SPATA33: variants seen among roughly 807,000 people sequenced by gnomAD.
SPATA33 encodes spermatogenesis-associated protein 33.
Under a neutral mutation model 8.9 loss-of-function variants are expected in SPATA33, and 10 were observed. The observed-to-expected ratio is 1.12, with a 90% CI of 0.69 to 1.90. The LOEUF is 1.90. Ranked by LOEUF, SPATA33 falls within the 40% of genes most tolerant of loss-of-function variation. The pLI is 0.00. For missense variants in SPATA33, 241 were observed against 178.3 expected, an observed-to-expected ratio of 1.35 and a Z score of -2.00; for synonymous variants, 96 against 72.8, an observed-to-expected ratio of 1.32 and a Z score of -1.63.
intron 2 of SPATA33, 63 bp from the exon 3 acceptor site, chr16:89,669,223 T>G (rs1597809370): frequency 6.9e-7 from 1 of 1,442,660 alleles, no homozygotes. Flanking sequence ...TGGCAGGAGG[T>G]GTGTGCATCG....
At chr16:89,660,471 A>G (rs1458853708) in intron 2 of SPATA33, 7 of 1,231,842 alleles carry the variant, frequency 5.7e-6, no homozygotes, top group Non-Finnish European at 7.1e-6. Flanking sequence ...ACATGAAGGG[A>G]AAACAGCAGA....
Position 89,657,892 on chromosome 16 carries a change from A to G in SPATA33, c.-20A>G. 1 of 1,515,682 alleles carries G rather than the reference A, an allele frequency of 6.6e-7. No individual in the cohort carries two copies. The highest frequency in any genetic ancestry group is 8.8e-7 in the Non-Finnish European group (1 of 1,139,064). The allele number at this position is 1,515,682 out of a possible 1,614,324, so 93.9% of individuals were successfully genotyped here. A position where few individuals can be genotyped will look rare whatever the true frequency, so the allele number is the denominator to read the frequency against. On this transcript the variant is annotated 5_prime_UTR_variant, in exon 1 of 3. Coordinates refer to ENST00000579310, the MANE Select transcript of SPATA33 (RefSeq NM_001271907.2). ...GTGTGGGGACCCGGGCTTGCGTCGG[A>G]GGGGGCGGTGGGCTCACCCATGGGC...
chr16:89,668,923 G>GAC (rs1327914451), intron 2 of SPATA33, among the ~76,000 whole-genome samples: 1 of 152,224 alleles, frequency 6.6e-6, no homozygotes, highest in Admixed American at 6.5e-5. Flanking sequence ...CAGAATTAGA[G>GAC]ACCTTTGGAG....
rs144921739 is a variant in SPATA33, at chr16:89,667,591, A to C, written c.212-1695A>C. Among the ~76,000 whole-genome samples the C allele has an allele frequency of 1.2e-4, 19 of 152,254 alleles. No homozygotes were observed. The East Asian group carries it at 3.7e-3, about 29-fold the overall frequency. On this transcript the variant is annotated intron_variant, in intron 2 of 2. Transcript: ENST00000579310. ...AGTGGGAGGATCATTTGAGCCCAGG[A>C]AGTTGAGGCTTCAGTGAGCCATGAT...
chr16:89,668,593 G>A (rs560813165), intron 2 of SPATA33, among the ~76,000 whole-genome samples: 35 of 151,174 alleles, frequency 2.3e-4, no homozygotes, highest in Non-Finnish European at 4.0e-4. Context: ...GGCTGTGCCC[G>A]AGCTCGTAGC....
chr16:89,658,098 G>A, intron 1 of SPATA33, 150 bp downstream of exon 1: 1 of 1,486,770 alleles, frequency 6.7e-7, no homozygotes, highest in Non-Finnish European at 8.9e-7. Context: ...CACGGACGGC[G>A]CGTTTCCCGC....
chr16:89,667,209 A>G (rs2060038181), intron 2 of SPATA33, among the ~76,000 whole-genome samples: 1 of 152,230 alleles, frequency 6.6e-6, no homozygotes, highest in Admixed American at 6.5e-5. Context: ...CGTTACCACT[A>G]GACCAAGGAG....
chr16:89,662,468 G>A (rs1362943837), intron 2 of SPATA33, among the ~76,000 whole-genome samples: 1 of 151,492 alleles, frequency 6.6e-6, no homozygotes, highest in Non-Finnish European at 1.5e-5. Context: ...CCAGGCTGGA[G>A]TGCAATGGCA....
intron 2 of SPATA33, 54 bp downstream of exon 2, chr16:89,658,475 G>T (rs2059916179): frequency 6.5e-7 from 1 of 1,548,394 alleles, no homozygotes. Flanking sequence ...AGGATCTGGG[G>T]CTGGGGTGAG....
Position 89,669,796 on chromosome 16 carries a change from G to A in SPATA33, c.*299G>A. On this transcript the variant is annotated 3_prime_UTR_variant, in exon 3 of 3. Transcript: ENST00000579310. ...CCCTTCTCCAGTGCTCTCGGGGAGG[G>A]TGCACCAGGCCCACCCCACCCTGTG... 5.3e-6 allele frequency: 2 copies of A among 379,036 alleles called. No individual in the cohort carries two copies. The highest frequency in any genetic ancestry group is 5.5e-5 in the South Asian group (2 of 36,642). 23.5% of individuals were successfully genotyped at this position (379,036 alleles called of 1,614,324 possible).
At chr16:89,669,010 G>T (rs1026332277) in intron 2 of SPATA33, among the ~76,000 whole-genome samples, 1 of 152,116 alleles carries the variant, frequency 6.6e-6, no homozygotes, top group Non-Finnish European at 1.5e-5. Flanking sequence ...TCCTTTGCTG[G>T]TCGCCCTGAC....
rs903693132 is a variant in SPATA33 at position 89,658,175 on chromosome 16, G to A, written c.38-73G>A. 3.8e-6 allele frequency: 6 copies of A among 1,592,758 alleles called. No homozygotes were observed. The East Asian group carries it at 1.1e-4, about 30-fold the overall frequency. ...CAGCTTATTCTGGACCCACGCAGGC[G>A]ACTGAAGACGATGGGACCCACTGCC... On this transcript the variant is annotated intron_variant, in intron 1 of 2. Transcript: ENST00000579310.
In SPATA33 at chr16:89,669,715, C is replaced by T; in HGVS notation, c.*218C>T. 1 of 574,078 alleles carries T rather than the reference C, an allele frequency of 1.7e-6. No homozygotes were observed. Among genetic ancestry groups the T allele is most frequent in the Non-Finnish European group, 3.1e-6 (1 of 323,822 alleles). The allele number at this position is 574,078 out of a possible 1,614,324, so 35.6% of individuals were successfully genotyped here. ...TTGTGAGAAGCCGTGGCCCCCTTCT[C>T]CAGTGCTCTCAGGGAGGGTGCACCA... is the stretch of plus-strand genomic sequence containing the variant. On this transcript the variant is annotated 3_prime_UTR_variant, in exon 3 of 3. Transcript: ENST00000579310.
At chr16:89,660,991 G>C (rs2059959090) in intron 2 of SPATA33, 1 of 996,000 alleles carries the variant, frequency 1.0e-6, no homozygotes, top group Non-Finnish European at 1.2e-6. Flanking sequence ...GTACGTCTCA[G>C]TGAGTCTTCA....
chr16:89,658,651 G>A, intron 2 of SPATA33: 1 of 598,758 alleles, frequency 1.7e-6, no homozygotes, highest in Non-Finnish European at 2.9e-6. Context: ...TGATAAGTGC[G>A]TACCAGGTGG....
At chr16:89,667,698 T>C (rs1361562627) in intron 2 of SPATA33, among the ~76,000 whole-genome samples, 1 of 152,222 alleles carries the variant, frequency 6.6e-6, no homozygotes, top group East Asian at 1.9e-4. Flanking sequence ...CAGTGCTTAG[T>C]GCAGCTGTGG....
At chr16:89,663,880 A>T (rs553331722) in intron 2 of SPATA33, among the ~76,000 whole-genome samples, 1 of 152,324 alleles carries the variant, frequency 6.6e-6, no homozygotes, top group East Asian at 1.9e-4. Flanking sequence ...GAACTTTGGG[A>T]AGCCTAGGCA....
upstream of SPATA33, chr16:89,657,778 G>A (rs1485439723): frequency 4.8e-6 from 7 of 1,453,204 alleles, no homozygotes; most frequent in Non-Finnish European, 5.4e-6. Flanking sequence ...GGGGCGGGGC[G>A]CGGCTGCGCG....
chr16:89,658,756 A>G (rs1178717780), intron 2 of SPATA33: 3 of 359,076 alleles, frequency 8.4e-6, no homozygotes, highest in African/African-American at 6.2e-5. Context: ...GCCTCCGCAC[A>G]CTGGAACAGA....
Sources: gnomAD v4.1 joint callset for allele counts (sites outside exome capture counted in the v4.1 genomes callset) on GRCh38, gnomAD v4.1.1 for gene constraint, MANE v1.5 for transcripts, NCBI Gene and HGNC (gene_info 2026-07-23, HGNC 2026-07-21) for gene names.